FNBP1: variants seen among roughly 807,000 people sequenced by gnomAD.
The protein encoded by FNBP1 is formin binding protein 1.
A neutral mutation model predicts 90.6 loss-of-function variants in FNBP1; 26 were observed. That is an observed-to-expected ratio of 0.29 (90% CI 0.21 to 0.40). FNBP1 has a LOEUF of 0.40. Among genes scored for constraint, FNBP1 ranks in the 10% least tolerant of loss-of-function variants. The probability of loss-of-function intolerance (pLI) is 1.00; values close to 1 mark genes in which losing one functional copy is unlikely to be tolerated. For missense variants in FNBP1, 635 were observed against 768.0 expected, an observed-to-expected ratio of 0.83 and a Z score of 2.05; for synonymous variants, 260 against 265.2, an observed-to-expected ratio of 0.98 and a Z score of 0.19.
At chr9:129,899,252 A>G (rs2036392416) in intron 15 of FNBP1, among the ~76,000 whole-genome samples, 1 of 151,898 alleles carries the variant, frequency 6.6e-6, no homozygotes, top group Non-Finnish European at 1.5e-5. Flanking sequence ...CAGTTTTTGT[A>G]TTTTTAGTAG....
At chr9:129,951,663 T>C (rs1422799873) in intron 6 of FNBP1, among the ~76,000 whole-genome samples, 1 of 151,894 alleles carries the variant, frequency 6.6e-6, no homozygotes, top group Non-Finnish European at 1.5e-5. Flanking sequence ...CAGGCTTGTC[T>C]CAAACTCCTG....
At chr9:129,951,649 T>G (rs1365638539) in intron 6 of FNBP1, among the ~76,000 whole-genome samples, 1 of 151,904 alleles carries the variant, frequency 6.6e-6, no homozygotes, top group Non-Finnish European at 1.5e-5. Context: ...CTCACCATGT[T>G]GCCCAGGCTT....
chr9:129,919,147 A>G, intron 10 of FNBP1: 2 of 1,252,558 alleles, frequency 1.6e-6, no homozygotes, highest in Non-Finnish European at 2.1e-6. Context: ...TGGCCATCAC[A>G]GGTGAACTTA....
At chr9:129,942,254 T>A (rs546452142) in intron 6 of FNBP1, among the ~76,000 whole-genome samples, 1 of 152,310 alleles carries the variant, frequency 6.6e-6, no homozygotes, top group Non-Finnish European at 1.5e-5. Context: ...ACAACCCATC[T>A]TCCAGGAAGA....
intron 4 of FNBP1, among the ~76,000 whole-genome samples, chr9:129,968,264 A>G (rs138590602): frequency 0.017 from 2,643 of 152,006 alleles, 27 homozygotes; most frequent in African/African-American, 0.021. Context: ...GTGTGGTGGC[A>G]GGCGCCTGTA....
At chr9:129,899,580 T>C (rs2036466803) in intron 15 of FNBP1, among the ~76,000 whole-genome samples, 2 of 151,872 alleles carry the variant, frequency 1.3e-5, no homozygotes, top group South Asian at 4.1e-4. Context: ...AGTACAAAAA[T>C]GAGCCGGACA....
intron 6 of FNBP1, among the ~76,000 whole-genome samples, chr9:129,955,475 A>C (rs1180489057): frequency 6.6e-6 from 1 of 151,722 alleles, no homozygotes; most frequent in Non-Finnish European, 1.5e-5. Flanking sequence ...GACTCAAACA[A>C]TCTGCTCACC....
intron 4 of FNBP1, among the ~76,000 whole-genome samples, chr9:129,972,490 T>C (rs1422095582): frequency 1.3e-5 from 2 of 151,826 alleles, no homozygotes; most frequent in African/African-American, 2.4e-5. Flanking sequence ...AACTACCGTA[T>C]GACACCTGCT....
intron 6 of FNBP1, among the ~76,000 whole-genome samples, chr9:129,956,204 A>G (rs1312000211): frequency 6.6e-6 from 1 of 152,200 alleles, no homozygotes; most frequent in Non-Finnish European, 1.5e-5. Flanking sequence ...ATTTTAGAGA[A>G]AGGCATACTA....
intron 2 of FNBP1, among the ~76,000 whole-genome samples, chr9:129,989,045 T>C (rs1371628256): frequency 2.0e-5 from 3 of 152,200 alleles, no homozygotes; most frequent in Admixed American, 6.5e-5. Flanking sequence ...TTCTACATGT[T>C]CCCGTCTCAG....
intron 2 of FNBP1, among the ~76,000 whole-genome samples, chr9:129,986,479 A>C (rs2052263739): frequency 6.6e-6 from 1 of 152,162 alleles, no homozygotes; most frequent in Non-Finnish European, 1.5e-5. Flanking sequence ...ATAATGTGAA[A>C]ACAATCAGAA....
At chr9:129,913,231 C>T (rs1308587234) in intron 11 of FNBP1, among the ~76,000 whole-genome samples, 1 of 152,018 alleles carries the variant, frequency 6.6e-6, no homozygotes, top group African/African-American at 2.4e-5. Flanking sequence ...AAACAAAAAA[C>T]TCAATAGCTA....
intron 1 of FNBP1, 83 bp from the exon 2 acceptor site, chr9:129,995,041 T>C: frequency 1.3e-6 from 1 of 746,478 alleles, no homozygotes; most frequent in Non-Finnish European, 2.4e-6. Context: ...TAACAACATA[T>C]TACTACATAC....
upstream of FNBP1, among the ~76,000 whole-genome samples, chr9:130,046,580 C>CAAAAAA (rs56392821): frequency 0.018 from 1,218 of 66,674 alleles, no homozygotes; most frequent in Non-Finnish European, 0.022. Flanking sequence ...ACTAAAAATA[C>CAAAAAA]AAAAAAAAAA....
At chr9:130,000,252 A>C (rs1321720920) in intron 1 of FNBP1, among the ~76,000 whole-genome samples, 1 of 152,196 alleles carries the variant, frequency 6.6e-6, no homozygotes, top group East Asian at 1.9e-4. Context: ...GCACTTCGGG[A>C]GGCAGAAGCA....
At chr9:129,896,022 T>C (rs2035667903) in intron 15 of FNBP1, 26 bp from the exon 16 acceptor site, 1 of 1,579,496 alleles carries the variant, frequency 6.3e-7, no homozygotes, top group Middle Eastern at 1.7e-4. Flanking sequence ...CAGGATATGT[T>C]AGATGTCTTG....
intron 4 of FNBP1, among the ~76,000 whole-genome samples, chr9:129,959,236 G>A (rs917223654): frequency 6.6e-6 from 1 of 150,878 alleles, no homozygotes; most frequent in South Asian, 2.1e-4. Context: ...GGTTGAGGCC[G>A]CAGTGAGCCG....
intron 6 of FNBP1, among the ~76,000 whole-genome samples, chr9:129,942,289 G>A (rs1474216412): frequency 6.6e-6 from 1 of 152,184 alleles, no homozygotes; most frequent in Non-Finnish European, 1.5e-5. Context: ...CAAAAGGAGT[G>A]ACATGGAAGA....
chr9:129,962,030 A>G (rs1373516883), intron 4 of FNBP1, among the ~76,000 whole-genome samples: 1 of 152,090 alleles, frequency 6.6e-6, no homozygotes, highest in Non-Finnish European at 1.5e-5. Flanking sequence ...TCTGGTTCTG[A>G]TGAGATTTGC....
Sources: gnomAD v4.1 joint callset for allele counts (sites outside exome capture counted in the v4.1 genomes callset) on GRCh38, gnomAD v4.1.1 for gene constraint, MANE v1.5 for transcripts, NCBI Gene and HGNC (gene_info 2026-07-23, HGNC 2026-07-21) for gene names.